The following ENOX1 variants were observed in gnomAD, a reference collection of about 807,000 sequenced individuals.
ENOX1 encodes ecto-NOX disulfide-thiol exchanger 1.
A neutral mutation model predicts 82.5 loss-of-function variants in ENOX1; 42 were observed. The ratio of observed to expected loss-of-function variants is 0.51; its 90% CI spans 0.40 to 0.66. The LOEUF (loss-of-function observed/expected upper bound fraction) is 0.66. Ranked by LOEUF, ENOX1 falls within the 30% of genes least tolerant of loss-of-function variation. The probability of loss-of-function intolerance (pLI) is 0.00; values close to 1 mark genes in which losing one functional copy is unlikely to be tolerated. For synonymous variants in ENOX1, 271 were observed against 282.2 expected, an observed-to-expected ratio of 0.96 and a Z score of 0.40; for missense variants, 608 against 811.6, an observed-to-expected ratio of 0.75 and a Z score of 3.05.
intron 1 of ENOX1, among the ~76,000 whole-genome samples, chr13:43,715,399 T>C (rs1044545692): frequency 5.3e-5 from 8 of 152,068 alleles, no homozygotes; most frequent in Non-Finnish European, 1.2e-4. Context: ...TTGGAGTTGC[T>C]CTTCTCGGAG....
At chr13:43,616,103 G>GATATCTATATATAGATATCTATCTAT (rs1273609788) in intron 2 of ENOX1, among the ~76,000 whole-genome samples, 6 of 7,930 alleles carry the variant, frequency 7.6e-4, no homozygotes, top group African/African-American at 1.5e-3. Context: ...TATCTATATA[G>GATATCTATATATAGATATCTATCTAT]ATAGATATCT....
At chr13:43,615,757 G>A (rs1308770747) in intron 2 of ENOX1, among the ~76,000 whole-genome samples, 2 of 151,422 alleles carry the variant, frequency 1.3e-5, no homozygotes, top group Non-Finnish European at 2.9e-5. Context: ...CTCACCCCCC[G>A]ACAGGCCCTG....
chr13:43,422,522 T>C (rs1430393008), intron 3 of ENOX1, among the ~76,000 whole-genome samples: 1 of 152,212 alleles, frequency 6.6e-6, no homozygotes, highest in African/African-American at 2.4e-5. Context: ...TAGCAGCCAA[T>C]TTTAAACTAC....
At chr13:43,232,403 G>C (rs756171738) in intron 15 of ENOX1, among the ~76,000 whole-genome samples, 14 of 152,214 alleles carry the variant, frequency 9.2e-5, no homozygotes, top group Non-Finnish European at 2.1e-4. Flanking sequence ...TTTATGGTCA[G>C]TAGTTTTCAG....
intron 5 of ENOX1, among the ~76,000 whole-genome samples, chr13:43,398,357 G>A (rs935567197): frequency 6.6e-6 from 1 of 152,122 alleles, no homozygotes; most frequent in African/African-American, 2.4e-5. Context: ...AAGGCCAAAT[G>A]AGGATTTTTT....
At chr13:43,471,832 AAG>A (rs1339381899) in intron 3 of ENOX1, among the ~76,000 whole-genome samples, 11 of 150,852 alleles carry the variant, frequency 7.3e-5, no homozygotes, top group African/African-American at 2.7e-4. Flanking sequence ...AAAAAAAAGA[AAG>A]AAAGAAATGT....
chr13:43,462,373 CATT>C (rs1270322989), intron 3 of ENOX1, among the ~76,000 whole-genome samples: 1 of 152,110 alleles, frequency 6.6e-6, no homozygotes, highest in Non-Finnish European at 1.5e-5. Context: ...ACTAAATGCC[CATT>C]AATAGTCTGG....
intron 12 of ENOX1, among the ~76,000 whole-genome samples, chr13:43,274,572 T>C (rs1055251382): frequency 6.6e-6 from 1 of 152,242 alleles, no homozygotes; most frequent in Non-Finnish European, 1.5e-5. Flanking sequence ...AGTGCCTCAA[T>C]TATAGAAGTT....
intron 1 of ENOX1, among the ~76,000 whole-genome samples, chr13:43,716,466 C>T (rs1386530310): frequency 6.6e-6 from 1 of 152,116 alleles, no homozygotes; most frequent in African/African-American, 2.4e-5. Flanking sequence ...GCCATCTTCG[C>T]TCCGCCAAGC....
At chr13:43,415,725 A>G (rs1021811268) in intron 3 of ENOX1, among the ~76,000 whole-genome samples, 2 of 150,866 alleles carry the variant, frequency 1.3e-5, no homozygotes, top group Admixed American at 6.6e-5. Flanking sequence ...CAAAACCGCC[A>G]TTGTCATCAT....
chr13:43,405,456 C>T (rs1209168017), intron 5 of ENOX1, among the ~76,000 whole-genome samples: 1 of 152,140 alleles, frequency 6.6e-6, no homozygotes, highest in Non-Finnish European at 1.5e-5. Context: ...CCCTGCTCAA[C>T]ACAGGTTTTC....
intron 9 of ENOX1, among the ~76,000 whole-genome samples, chr13:43,343,542 G>T (rs1258754747): frequency 1.3e-5 from 2 of 152,150 alleles, no homozygotes; most frequent in East Asian, 3.8e-4. Flanking sequence ...AGTCATGTAA[G>T]ATACTTTTAC....
intron 2 of ENOX1, among the ~76,000 whole-genome samples, chr13:43,491,334 A>G (rs2076611821): frequency 6.6e-6 from 1 of 152,150 alleles, no homozygotes; most frequent in Non-Finnish European, 1.5e-5. Context: ...TGGGAATCAC[A>G]TTTCAACATG....
chr13:43,549,152 A>G (rs1452064023), intron 2 of ENOX1, among the ~76,000 whole-genome samples: 1 of 152,226 alleles, frequency 6.6e-6, no homozygotes, highest in Non-Finnish European at 1.5e-5. Flanking sequence ...AATAGTAAAA[A>G]TTTATGGAAT....
chr13:43,765,362 T>C (rs562593677), intron 1 of ENOX1, among the ~76,000 whole-genome samples: 3 of 152,294 alleles, frequency 2.0e-5, no homozygotes, highest in African/African-American at 7.2e-5. Flanking sequence ...CTTAATACTA[T>C]GCTCCCTGGA....
At chr13:43,497,856 G>A (rs994996719) in intron 2 of ENOX1, among the ~76,000 whole-genome samples, 9 of 151,988 alleles carry the variant, frequency 5.9e-5, no homozygotes, top group Non-Finnish European at 1.2e-4. Flanking sequence ...TCTGGATCTG[G>A]AGTGTTCTTT....
At chr13:43,339,003 C>T (rs1410238317) in intron 9 of ENOX1, among the ~76,000 whole-genome samples, 1 of 152,114 alleles carries the variant, frequency 6.6e-6, no homozygotes, top group Non-Finnish European at 1.5e-5. Flanking sequence ...GGTTTAATTA[C>T]AGCCCCCTGA....
rs533101308 is a variant in ENOX1, at chr13:43,322,608, T to C, written c.1144-107A>G. On this transcript the variant is annotated intron_variant, in intron 10 of 16. Transcript: ENST00000690772. ...ATATTAACATTCAGAATCCAAAGCT[T>C]TTATCTCCCAAATATAGCCTCACCT... 8 of 912,004 alleles carry C rather than the reference T, an allele frequency of 8.8e-6. No homozygotes were observed. In the Admixed American group the frequency reaches 1.3e-4, roughly 15 times the overall value. The allele number at this position is 912,004 out of a possible 1,614,324, so 56.5% of individuals were successfully genotyped here.
At chr13:43,451,732 A>G (rs768539561) in intron 3 of ENOX1, among the ~76,000 whole-genome samples, 1 of 152,244 alleles carries the variant, frequency 6.6e-6, no homozygotes, top group Non-Finnish European at 1.5e-5. Context: ...ACTACTGTGA[A>G]GTTTGTATAG....
Sources: gnomAD v4.1 joint callset for allele counts (sites outside exome capture counted in the v4.1 genomes callset) on GRCh38, gnomAD v4.1.1 for gene constraint, MANE v1.5 for transcripts, NCBI Gene and HGNC (gene_info 2026-07-23, HGNC 2026-07-21) for gene names.